The following TRDN variants were observed in gnomAD, a reference collection of about 807,000 sequenced individuals.
The protein encoded by TRDN is triadin in skeletal muscle.
TRDN carries 161 observed loss-of-function variants against 149.7 expected under a neutral mutation model. The ratio of observed to expected loss-of-function variants is 1.08; its 90% CI spans 0.95 to 1.23. TRDN has a LOEUF of 1.23. TRDN is among the 50% of genes most tolerant of loss of function. TRDN has a pLI of 0.00. For missense variants in TRDN, 896 were observed against 823.5 expected (o/e 1.09, Z -1.08); for synonymous variants, 294 against 250.5 (o/e 1.17, Z -1.64).
chr6:123,457,036 G>C (rs1776169057), intron 10 of TRDN, among the ~76,000 whole-genome samples: 1 of 152,194 alleles, frequency 6.6e-6, no homozygotes, highest in South Asian at 2.1e-4. Flanking sequence ...GCTGACACAA[G>C]GAAGTTTCAC....
chr6:123,388,559 A>G lies in TRDN; in HGVS notation c.1106-8T>C, dbSNP rs575469218. On this transcript the variant is annotated splice_polypyrimidine_tract_variant and splice_region_variant and intron_variant, in intron 13 of 40. Coordinates refer to ENST00000334268, the MANE Select transcript of TRDN (RefSeq NM_006073.4). ...CATCCTTCTTAGCTGCTGCTGAAGT[A>G]ATGAAAATAGCGTTAAGGCATATGA... The G allele has an allele frequency of 2.3e-5, 36 of 1,582,230 alleles. No homozygotes were observed. The South Asian group carries it at 3.9e-4, about 17-fold the overall frequency.
chr6:123,375,372 G>A (rs897051332), intron 19 of TRDN, among the ~76,000 whole-genome samples: 2 of 152,068 alleles, frequency 1.3e-5, no homozygotes, highest in East Asian at 1.9e-4. Flanking sequence ...ACTTCACAAA[G>A]GGGTTATGAT....
chr6:123,437,943 C>T (rs1774664086), intron 12 of TRDN, 120 bp downstream of exon 12: 3 of 853,466 alleles, frequency 3.5e-6, no homozygotes, highest in African/African-American at 1.8e-5. Context: ...TTGCTTTGAC[C>T]TTCACGTCTT....
At chr6:123,371,683 G>C (rs1781333626) in intron 19 of TRDN, among the ~76,000 whole-genome samples, 1 of 152,072 alleles carries the variant, frequency 6.6e-6, no homozygotes, top group African/African-American at 2.4e-5. Context: ...TGTCAACCTT[G>C]ATGAACATTC....
intron 39 of TRDN, among the ~76,000 whole-genome samples, chr6:123,222,188 TGA>T (rs1466397408): frequency 6.6e-6 from 1 of 151,476 alleles, no homozygotes; most frequent in Admixed American, 6.6e-5. Flanking sequence ...TTAGAAGTTG[TGA>T]GAGAGTGTGT....
chr6:123,546,899 T>C (rs1781139401), intron 4 of TRDN, among the ~76,000 whole-genome samples: 2 of 152,068 alleles, frequency 1.3e-5, no homozygotes, highest in Non-Finnish European at 2.9e-5. Flanking sequence ...TCCCTCACCG[T>C]CTTGTTGTCC....
chr6:123,496,962 G>T (rs947548293), intron 9 of TRDN, among the ~76,000 whole-genome samples: 1 of 151,932 alleles, frequency 6.6e-6, no homozygotes, highest in Non-Finnish European at 1.5e-5. Context: ...AGAGATATTA[G>T]CACATATTTT....
At chr6:123,605,544 T>C (rs1300340407) in intron 1 of TRDN, among the ~76,000 whole-genome samples, 4 of 148,652 alleles carry the variant, frequency 2.7e-5, no homozygotes, top group African/African-American at 1.0e-4. Flanking sequence ...TCCAGCATTT[T>C]GGGAGGCCTA....
intron 1 of TRDN, among the ~76,000 whole-genome samples, chr6:123,628,547 A>G (rs1052944206): frequency 6.6e-6 from 1 of 152,202 alleles, no homozygotes; most frequent in African/African-American, 2.4e-5. Flanking sequence ...ACACAGAGAC[A>G]GGAAATGAAC....
chr6:123,475,792 AG>A (rs1246011260), intron 9 of TRDN, among the ~76,000 whole-genome samples: 2 of 150,880 alleles, frequency 1.3e-5, no homozygotes, highest in Non-Finnish European at 2.9e-5. Context: ...ATATAAACAG[AG>A]CCAAAGACAA....
intron 5 of TRDN, among the ~76,000 whole-genome samples, chr6:123,519,136 T>A (rs1779549528): frequency 6.6e-6 from 1 of 152,118 alleles, no homozygotes; most frequent in Non-Finnish European, 1.5e-5. Context: ...CCTGCTAGAG[T>A]TTAATTTGTT....
At chr6:123,340,675 G>T (rs1780034096) in intron 21 of TRDN, among the ~76,000 whole-genome samples, 1 of 151,892 alleles carries the variant, frequency 6.6e-6, no homozygotes, top group African/African-American at 2.4e-5. Flanking sequence ...TTGCTGATCT[G>T]AGATATTTTT....
At chr6:123,480,794 C>T (rs150905809) in intron 9 of TRDN, among the ~76,000 whole-genome samples, 3 of 152,122 alleles carry the variant, frequency 2.0e-5, no homozygotes, top group Admixed American at 2.0e-4. Context: ...GGAGGCTTGA[C>T]ATTTTTGTAA....
At chr6:123,342,433 T>C (rs959166797) in intron 21 of TRDN, among the ~76,000 whole-genome samples, 3 of 151,908 alleles carry the variant, frequency 2.0e-5, no homozygotes, top group Non-Finnish European at 2.9e-5. Context: ...GCTTCCATGT[T>C]TAAATTAAGA....
At chr6:123,264,703 T>C (rs1345954354) in intron 33 of TRDN, among the ~76,000 whole-genome samples, 1 of 151,962 alleles carries the variant, frequency 6.6e-6, no homozygotes, top group Non-Finnish European at 1.5e-5. Context: ...AACTTTATTG[T>C]TGTCTTATTT....
intron 38 of TRDN, among the ~76,000 whole-genome samples, chr6:123,234,964 T>C (rs1449184448): frequency 6.6e-6 from 1 of 152,104 alleles, no homozygotes; most frequent in East Asian, 1.9e-4. Context: ...AATGATAAAA[T>C]TGTCCTAGGG....
At chr6:123,241,838 C>T (rs1398306751) in intron 38 of TRDN, among the ~76,000 whole-genome samples, 1 of 151,770 alleles carries the variant, frequency 6.6e-6, no homozygotes, top group Non-Finnish European at 1.5e-5. Flanking sequence ...TGATGAAGTG[C>T]TAATGGCAAA....
Position 123,547,377 on chromosome 6 carries a change from A to G in TRDN, c.392-5T>C, listed in dbSNP as rs771359600. On this transcript the variant is annotated splice_polypyrimidine_tract_variant and splice_region_variant and intron_variant, in intron 3 of 40. Transcript: ENST00000334268. ...AGGGAGGCTCATCTATTTCTCCTAG[A>G]CCAAGATTAAAAGAAAAACAAAGTT... The G allele has an allele frequency of 7.0e-7, 1 of 1,437,258 alleles. No homozygotes were observed. Among genetic ancestry groups the G allele is most frequent in the South Asian group, 1.5e-5 (1 of 64,820 alleles). The allele number at this position is 1,437,258 out of a possible 1,614,324, so 89.0% of individuals were successfully genotyped here.
At chr6:123,607,075 C>T (rs1165999560) in intron 1 of TRDN, among the ~76,000 whole-genome samples, 2 of 152,164 alleles carry the variant, frequency 1.3e-5, no homozygotes, top group African/African-American at 4.8e-5. Context: ...CACTGCAAAG[C>T]TTTCAGACAC....
Sources: allele counts gnomAD v4.1 joint callset (sites outside exome capture counted in the v4.1 genomes callset), GRCh38; gene constraint gnomAD v4.1.1; transcripts MANE v1.5; gene names NCBI Gene and HGNC (gene_info 2026-07-23, HGNC 2026-07-21).